Variants in CMTM8 observed in about 807,000 individuals in gnomAD.
CMTM8 encodes CKLF like MARVEL transmembrane domain containing 8.
CMTM8 carries 12 observed loss-of-function variants against 18.6 expected under a neutral mutation model. The observed-to-expected ratio is 0.65, with a 90% CI of 0.41 to 1.05. CMTM8 has a LOEUF of 1.05. CMTM8 is among the 50% of genes least tolerant of loss of function. The pLI, the probability that CMTM8 is intolerant of heterozygous loss-of-function variation, is 0.00. For missense variants in CMTM8, 217 were observed against 227.2 expected, an observed-to-expected ratio of 0.95 and a Z score of 0.29; for synonymous variants, 87 against 90.6, an observed-to-expected ratio of 0.96 and a Z score of 0.23.
At chr3:32,270,879 AT>A (rs1320080279) in intron 1 of CMTM8, among the ~76,000 whole-genome samples, 6 of 152,312 alleles carry the variant, frequency 3.9e-5, no homozygotes, top group African/African-American at 1.2e-4. Context: ...TAATAAAAAA[AT>A]AATAATAACA....
intron 1 of CMTM8, among the ~76,000 whole-genome samples, chr3:32,353,535 G>A (rs1174710202): frequency 4.6e-5 from 7 of 152,170 alleles, no homozygotes; most frequent in African/African-American, 1.7e-4. Context: ...TGGCAGAGAT[G>A]CATGTGTAGT....
At chr3:32,265,076 T>A (rs913421268) in intron 1 of CMTM8, among the ~76,000 whole-genome samples, 1 of 152,078 alleles carries the variant, frequency 6.6e-6, no homozygotes, top group African/African-American at 2.4e-5. Flanking sequence ...TATCCAGGAA[T>A]TGAACTCAGC....
chr3:32,238,897 AGGGCGCAGGGCCGCGCGTCCAG>A lies in CMTM8; in HGVS notation c.-75_-54del. 2.2e-6 allele frequency: 3 copies of A among 1,362,858 alleles called. No homozygotes were observed. The highest frequency in any genetic ancestry group is 2.9e-6 in the Non-Finnish European group (3 of 1,042,986). 84.4% of individuals were successfully genotyped at this position (1,362,858 alleles called of 1,614,324 possible). ...TCCCCTCCCCCGCGCCTGTGTCCCC[AGGGCGCAGGGCCGCGCGTCCAG>A]CCCCAGACCCGCCGGGGTCCCTGGG... On this transcript the variant is annotated 5_prime_UTR_variant, in exon 1 of 4. Transcript: ENST00000307526.
chr3:32,350,724 C>T (rs1290754306), intron 1 of CMTM8, among the ~76,000 whole-genome samples: 2 of 152,180 alleles, frequency 1.3e-5, no homozygotes, highest in African/African-American at 4.8e-5. Flanking sequence ...GGGGTTTCAC[C>T]ATATTGGCCA....
At chr3:32,257,365 T>C (rs1286036265) in intron 1 of CMTM8, among the ~76,000 whole-genome samples, 1 of 152,218 alleles carries the variant, frequency 6.6e-6, no homozygotes, top group African/African-American at 2.4e-5. Context: ...ATTTCTCTTA[T>C]TTTCTGCATT....
intron 2 of CMTM8, among the ~76,000 whole-genome samples, chr3:32,364,016 A>G (rs971628549): frequency 4.6e-5 from 7 of 152,196 alleles, no homozygotes; most frequent in African/African-American, 9.7e-5. Flanking sequence ...GTGTGGTAAT[A>G]GGGACTAGAG....
At chr3:32,327,261 A>T (rs188577196) in intron 1 of CMTM8, among the ~76,000 whole-genome samples, 175 of 152,320 alleles carry the variant, frequency 1.1e-3, no homozygotes, top group African/African-American at 4.0e-3. Context: ...TACTTCTCTG[A>T]GGCTTTTAAA....
chr3:32,351,543 A>T (rs1696707473), intron 1 of CMTM8, among the ~76,000 whole-genome samples: 1 of 152,070 alleles, frequency 6.6e-6, no homozygotes, highest in South Asian at 2.1e-4. Flanking sequence ...CCTCATCTCT[A>T]CAAAGAAATG....
At chr3:32,263,674 C>T (rs1477578757) in intron 1 of CMTM8, among the ~76,000 whole-genome samples, 2 of 152,082 alleles carry the variant, frequency 1.3e-5, no homozygotes, top group African/African-American at 4.8e-5. Context: ...GAAGTTCGAA[C>T]CCATGGTAAG....
At chr3:32,299,761 A>G (rs955788219) in intron 1 of CMTM8, among the ~76,000 whole-genome samples, 13 of 152,208 alleles carry the variant, frequency 8.5e-5, no homozygotes, top group African/African-American at 2.9e-4. Context: ...ATCCTACTAG[A>G]ACATTGTCTG....
intron 2 of CMTM8, among the ~76,000 whole-genome samples, chr3:32,366,540 C>T (rs1274329390): frequency 6.6e-6 from 1 of 152,208 alleles, no homozygotes; most frequent in Non-Finnish European, 1.5e-5. Flanking sequence ...TGAAACCCAT[C>T]CTCAAAGATG....
chr3:32,292,275 G>A (rs571925611), intron 1 of CMTM8, among the ~76,000 whole-genome samples: 13 of 152,224 alleles, frequency 8.5e-5, no homozygotes, highest in Non-Finnish European at 1.8e-4. Flanking sequence ...AGGAGATTGC[G>A]AAATTGGAGA....
intron 3 of CMTM8, among the ~76,000 whole-genome samples, chr3:32,369,148 A>C (rs1380536655): frequency 7.9e-6 from 1 of 126,838 alleles, no homozygotes. Context: ...ATCTCTACTA[A>C]AAATACAAAA....
At chr3:32,363,385 G>A (rs766340571) in intron 2 of CMTM8, among the ~76,000 whole-genome samples, 1 of 152,156 alleles carries the variant, frequency 6.6e-6, no homozygotes, top group South Asian at 2.1e-4. Context: ...GCAGTGGAGG[G>A]TACTTCTTCC....
intron 1 of CMTM8, chr3:32,260,236 C>CAG (rs1702237151): frequency 7.2e-7 from 1 of 1,383,406 alleles, no homozygotes; most frequent in Non-Finnish European, 1.0e-6. Context: ...ATTAAGCCAG[C>CAG]AGAAGCAGGG....
At chr3:32,307,134 G>A (rs987356874) in intron 1 of CMTM8, among the ~76,000 whole-genome samples, 1 of 151,930 alleles carries the variant, frequency 6.6e-6, no homozygotes, top group African/African-American at 2.4e-5. Context: ...GAGGACAGGA[G>A]TTTGAGACCA....
chr3:32,336,272 A>G (rs191718150), intron 1 of CMTM8, among the ~76,000 whole-genome samples: 14 of 152,314 alleles, frequency 9.2e-5, no homozygotes, highest in Non-Finnish European at 1.9e-4. Context: ...AGCTATCCCA[A>G]GTAAAGCCGG....
intron 1 of CMTM8, among the ~76,000 whole-genome samples, chr3:32,308,052 A>G (rs187454253): frequency 8.5e-5 from 13 of 152,374 alleles, no homozygotes; most frequent in Admixed American, 5.9e-4. Flanking sequence ...AGAAGAGAGC[A>G]GAAAATAGAA....
At chr3:32,262,166 CT>C (rs1702268454) in intron 1 of CMTM8, among the ~76,000 whole-genome samples, 1 of 152,136 alleles carries the variant, frequency 6.6e-6, no homozygotes, top group African/African-American at 2.4e-5. Context: ...TGGCTGCCCC[CT>C]GACTTGCCTC....
Sources: gnomAD v4.1 joint callset for allele counts (sites outside exome capture counted in the v4.1 genomes callset) on GRCh38, gnomAD v4.1.1 for gene constraint, MANE v1.5 for transcripts, NCBI Gene and HGNC (gene_info 2026-07-23, HGNC 2026-07-21) for gene names.